Variants in TMEM163 observed in about 807,000 individuals in gnomAD.
TMEM163 encodes transmembrane protein 163.
A neutral mutation model predicts 29.3 loss-of-function variants in TMEM163; 17 were observed. The ratio of observed to expected loss-of-function variants is 0.58; its 90% CI spans 0.40 to 0.87. The LOEUF (loss-of-function observed/expected upper bound fraction) is 0.87. Among genes scored for constraint, TMEM163 ranks in the 40% least tolerant of loss-of-function variants. The pLI is 0.00. For missense variants in TMEM163, 303 were observed against 381.5 expected, an observed-to-expected ratio of 0.79 and a Z score of 1.71; for synonymous variants, 157 against 160.6, an observed-to-expected ratio of 0.98 and a Z score of 0.17.
chr2:134,547,173 A>C (rs2106506006), intron 4 of TMEM163, among the ~76,000 whole-genome samples: 1 of 152,330 alleles, frequency 6.6e-6, no homozygotes. Flanking sequence ...ACTTAGGCTA[A>C]TGCATTTTAT....
At chr2:134,483,583 C>T (rs1679248094) in intron 5 of TMEM163, among the ~76,000 whole-genome samples, 1 of 152,090 alleles carries the variant, frequency 6.6e-6, no homozygotes, top group Non-Finnish European at 1.5e-5. Flanking sequence ...TTATTTGAAA[C>T]ATAACTGTCA....
intron 2 of TMEM163, among the ~76,000 whole-genome samples, chr2:134,617,690 C>A (rs530305315): frequency 1.4e-5 from 2 of 146,832 alleles, no homozygotes; most frequent in African/African-American, 5.0e-5. Context: ...ACGGGAACAA[C>A]AAAAAAAATG....
intron 2 of TMEM163, among the ~76,000 whole-genome samples, chr2:134,625,637 A>C (rs1396453697): frequency 6.6e-6 from 1 of 152,232 alleles, no homozygotes; most frequent in Non-Finnish European, 1.5e-5. Context: ...TTAGCTCAAA[A>C]CCCAAATAGG....
intron 5 of TMEM163, among the ~76,000 whole-genome samples, chr2:134,499,590 T>C (rs1020470330): frequency 2.0e-5 from 3 of 152,192 alleles, no homozygotes; most frequent in South Asian, 2.1e-4. Context: ...AACTTTACAG[T>C]TGGGAAATTC....
intron 1 of TMEM163, among the ~76,000 whole-genome samples, chr2:134,716,903 C>T (rs1243236012): frequency 6.6e-6 from 1 of 152,152 alleles, no homozygotes; most frequent in Non-Finnish European, 1.5e-5. Flanking sequence ...CACACAGCAC[C>T]GGGTTCTTTG....
At chr2:134,596,607 G>A (rs1418107210) in intron 2 of TMEM163, among the ~76,000 whole-genome samples, 2 of 152,172 alleles carry the variant, frequency 1.3e-5, no homozygotes, top group African/African-American at 2.4e-5. Flanking sequence ...CTCTTCTTTG[G>A]TTCCATATGA....
At chr2:134,658,610 T>TA (rs948057061) in intron 2 of TMEM163, among the ~76,000 whole-genome samples, 14 of 127,622 alleles carry the variant, frequency 1.1e-4, no homozygotes, top group Middle Eastern at 4.5e-3. Flanking sequence ...TATATATATA[T>TA]TTTTTGAGAC....
At chr2:134,708,832 C>A (rs1165661035) in intron 2 of TMEM163, among the ~76,000 whole-genome samples, 1 of 152,152 alleles carries the variant, frequency 6.6e-6, no homozygotes, top group Non-Finnish European at 1.5e-5. Flanking sequence ...TCATGATCCA[C>A]CCACCCCAGC....
intron 2 of TMEM163, among the ~76,000 whole-genome samples, chr2:134,626,094 CTTTTTTTTTTTTTTTTTT>C (rs146008537): frequency 1.5e-5 from 1 of 66,256 alleles, no homozygotes; most frequent in Non-Finnish European, 2.9e-5. Flanking sequence ...ACTTTTCCAG[CTTTTTTTTTTTTTTTTTT>C]TTTTTTTTTT....
chr2:134,567,299 C>T (rs189384404), intron 2 of TMEM163, among the ~76,000 whole-genome samples: 95 of 152,238 alleles, frequency 6.2e-4, no homozygotes, highest in African/African-American at 2.1e-3. Context: ...GCTCGTGCAG[C>T]GAGAGATTTA....
At chr2:134,516,459 G>A (rs1680058557) in intron 4 of TMEM163, among the ~76,000 whole-genome samples, 1 of 151,826 alleles carries the variant, frequency 6.6e-6, no homozygotes, top group Non-Finnish European at 1.5e-5. Flanking sequence ...TACTCGGGAA[G>A]TTGAGACAGC....
chr2:134,615,614 T>C (rs1310993287), intron 2 of TMEM163, among the ~76,000 whole-genome samples: 2 of 151,232 alleles, frequency 1.3e-5, no homozygotes, highest in Non-Finnish European at 2.9e-5. Context: ...ACCTTTCCAC[T>C]TGATCTGTGC....
At chr2:134,474,314 C>T (rs1053065792) in intron 5 of TMEM163, among the ~76,000 whole-genome samples, 1 of 152,114 alleles carries the variant, frequency 6.6e-6, no homozygotes, top group African/African-American at 2.4e-5. Context: ...TGTGTCACTA[C>T]CCACTCATGG....
At chr2:134,541,397 C>T (rs1227512050) in intron 4 of TMEM163, among the ~76,000 whole-genome samples, 1 of 152,212 alleles carries the variant, frequency 6.6e-6, no homozygotes, top group African/African-American at 2.4e-5. Flanking sequence ...TTAGTATGAC[C>T]TTTTTGGAGC....
intron 2 of TMEM163, among the ~76,000 whole-genome samples, chr2:134,582,257 C>G (rs920186920): frequency 1.3e-5 from 2 of 152,108 alleles, no homozygotes; most frequent in Non-Finnish European, 2.9e-5. Flanking sequence ...ACCCAAATCC[C>G]CCAAAGAGCA....
intron 1 of TMEM163, among the ~76,000 whole-genome samples, chr2:134,716,525 T>A (rs1685039819): frequency 6.6e-6 from 1 of 152,178 alleles, no homozygotes; most frequent in African/African-American, 2.4e-5. Flanking sequence ...CAGGTGCAGA[T>A]CCGAGGTACC....
At chr2:134,548,206 A>G (rs1408764175) in intron 4 of TMEM163, among the ~76,000 whole-genome samples, 1 of 152,230 alleles carries the variant, frequency 6.6e-6, no homozygotes, top group Non-Finnish European at 1.5e-5. Flanking sequence ...TTTCTAAAAG[A>G]CATTTTTAAA....
At chr2:134,465,231 T>TAC (rs1307397417) in intron 6 of TMEM163, among the ~76,000 whole-genome samples, 3 of 92,314 alleles carry the variant, frequency 3.2e-5, no homozygotes, top group African/African-American at 2.1e-4. Context: ...TATATATATA[T>TAC]ACACACACAC....
intron 2 of TMEM163, among the ~76,000 whole-genome samples, chr2:134,647,173 C>T (rs1459110581): frequency 6.6e-6 from 1 of 152,216 alleles, no homozygotes; most frequent in Non-Finnish European, 1.5e-5. Context: ...CTCTACATTG[C>T]TTCCAGCTCA....
Sources: gnomAD v4.1 joint callset for allele counts (sites outside exome capture counted in the v4.1 genomes callset) on GRCh38, gnomAD v4.1.1 for gene constraint, MANE v1.5 for transcripts, NCBI Gene and HGNC (gene_info 2026-07-23, HGNC 2026-07-21) for gene names.